Variants in IMMP2L observed in about 807,000 individuals in gnomAD.
The protein encoded by IMMP2L is mitochondrial inner membrane protease subunit 2.
Under a neutral mutation model 19.3 loss-of-function variants are expected in IMMP2L, and 18 were observed. That is an observed-to-expected ratio of 0.93 (90% CI 0.64 to 1.38). IMMP2L has a LOEUF of 1.38. Ranked by LOEUF, IMMP2L falls within the 40% of genes most tolerant of loss-of-function variation. The pLI, the probability that IMMP2L is intolerant of heterozygous loss-of-function variation, is 0.00. For missense variants in IMMP2L, 233 were observed against 218.2 expected (o/e 1.07, Z -0.43); for synonymous variants, 76 against 73.0 (o/e 1.04, Z -0.21).
intron 3 of IMMP2L, among the ~76,000 whole-genome samples, chr7:111,229,118 A>C (rs1813434805): frequency 6.6e-6 from 1 of 151,938 alleles, no homozygotes. Flanking sequence ...AGTTTACAAA[A>C]CATCCAGTTC....
chr7:111,142,787 C>G (rs1225723587), intron 3 of IMMP2L, among the ~76,000 whole-genome samples: 1 of 152,092 alleles, frequency 6.6e-6, no homozygotes, highest in African/African-American at 2.4e-5. Flanking sequence ...GAGCAATATC[C>G]TATACCTGAG....
At chr7:110,705,742 CT>C (rs1794629891) in intron 5 of IMMP2L, among the ~76,000 whole-genome samples, 1 of 151,938 alleles carries the variant, frequency 6.6e-6, no homozygotes, top group Non-Finnish European at 1.5e-5. Flanking sequence ...CTTCCCCTCC[CT>C]TTCCCCCTTC....
intron 1 of IMMP2L, among the ~76,000 whole-genome samples, chr7:111,561,527 A>C (rs986991660): frequency 9.9e-5 from 15 of 152,136 alleles, no homozygotes; most frequent in African/African-American, 3.6e-4. Flanking sequence ...GGCTAATAAG[A>C]TAGGGGCCGG....
At chr7:110,707,116 T>C (rs1214095235) in intron 5 of IMMP2L, among the ~76,000 whole-genome samples, 1 of 95,050 alleles carries the variant, frequency 1.1e-5, no homozygotes, top group South Asian at 4.1e-4. Context: ...TAACGAGTCA[T>C]CTAGCATTAG....
Position 110,768,567 on chromosome 7 carries a change from C to A in IMMP2L, c.409-104846G>T, listed in dbSNP as rs561642052. On this transcript the variant is annotated intron_variant, in intron 5 of 5. Transcript: ENST00000405709. Reference sequence around the variant, plus strand: ...CCATAATGAACTACTTTTGGCCCCACAAATTTCCATACTCTTTCTCCAGGA... The same window carrying A: ...CCATAATGAACTACTTTTGGCCCCAAAAATTTCCATACTCTTTCTCCAGGA... Among the ~76,000 whole-genome samples the A allele has an allele frequency of 4.6e-5, 7 of 152,258 alleles. No homozygotes were observed. The East Asian group carries it at 5.8e-4, about 13-fold the overall frequency.
intron 3 of IMMP2L, among the ~76,000 whole-genome samples, chr7:111,285,422 A>C (rs746998099): frequency 1.8e-4 from 27 of 152,194 alleles, no homozygotes; most frequent in South Asian, 6.2e-4. Context: ...GGAAGAGGCA[A>C]CACTAAAGTT....
rs145007482 is a variant in IMMP2L, at chr7:110,786,650, A to G, written c.408+99943T>C. ...TCATTGTACTTCTATTACAGTATGC[A>G]AATACAAATAAAGTTACCACAAATT... On this transcript the variant is annotated intron_variant, in intron 5 of 5. Coordinates refer to ENST00000405709, the MANE Select transcript of IMMP2L (RefSeq NM_032549.4). 5.9e-3 allele frequency among the ~76,000 whole-genome samples: 903 copies of G among 152,152 alleles called. 12 individuals are homozygous for G. Among genetic ancestry groups the G allele is most frequent in the Non-Finnish European group, 4.9e-3 (335 of 67,972 alleles).
At chr7:111,000,559 A>T (rs1250095524) in intron 3 of IMMP2L, among the ~76,000 whole-genome samples, 2 of 152,182 alleles carry the variant, frequency 1.3e-5, no homozygotes, top group African/African-American at 4.8e-5. Context: ...CAACAGATGG[A>T]TGGATGGGGC....
At chr7:111,315,890 G>C (rs924831737) in intron 3 of IMMP2L, among the ~76,000 whole-genome samples, 5 of 152,096 alleles carry the variant, frequency 3.3e-5, no homozygotes, top group Admixed American at 1.3e-4. Context: ...CAACAGGAAA[G>C]TACAGTTATG....
intron 3 of IMMP2L, among the ~76,000 whole-genome samples, chr7:111,453,861 T>G (rs1585171877): frequency 6.6e-6 from 1 of 152,172 alleles, no homozygotes; most frequent in Non-Finnish European, 1.5e-5. Context: ...ACTCAATAAA[T>G]ATTTGCTGAA....
intron 3 of IMMP2L, among the ~76,000 whole-genome samples, chr7:110,990,402 T>C (rs1822330841): frequency 6.6e-6 from 1 of 152,318 alleles, no homozygotes; most frequent in South Asian, 2.1e-4. Flanking sequence ...GGACACATTT[T>C]TATACCAACA....
intron 2 of IMMP2L, among the ~76,000 whole-genome samples, chr7:111,502,118 G>C (rs1322135831): frequency 9.9e-5 from 15 of 152,086 alleles, no homozygotes; most frequent in Admixed American, 2.0e-4. Context: ...TAAAGGGATG[G>C]AGGAAGATCT....
chr7:111,212,483 C>T (rs1188937092), intron 3 of IMMP2L, among the ~76,000 whole-genome samples: 1 of 151,832 alleles, frequency 6.6e-6, no homozygotes, highest in East Asian at 1.9e-4. Flanking sequence ...TGGTGGTGCA[C>T]ACCTGTGGTC....
At chr7:110,999,741 T>G (rs909275918) in intron 3 of IMMP2L, among the ~76,000 whole-genome samples, 1 of 152,128 alleles carries the variant, frequency 6.6e-6, no homozygotes, top group Non-Finnish European at 1.5e-5. Context: ...TGGCAATCAC[T>G]GGTGGTCCAT....
chr7:111,464,266 G>C (rs1563224035), intron 3 of IMMP2L, among the ~76,000 whole-genome samples: 2 of 152,130 alleles, frequency 1.3e-5, no homozygotes, highest in Non-Finnish European at 2.9e-5. Context: ...TTGAAGTCAG[G>C]AATTCAAGAC....
At chr7:111,328,837 T>C (rs1455885204) in intron 3 of IMMP2L, among the ~76,000 whole-genome samples, 1 of 151,792 alleles carries the variant, frequency 6.6e-6, no homozygotes, top group Non-Finnish European at 1.5e-5. Flanking sequence ...CATAGTTTTC[T>C]CAGATAAAAA....
At chr7:110,746,157 G>C (rs1797328547) in intron 5 of IMMP2L, among the ~76,000 whole-genome samples, 2 of 152,154 alleles carry the variant, frequency 1.3e-5, no homozygotes, top group African/African-American at 4.8e-5. Flanking sequence ...AACAGACAAA[G>C]AAGGACATTA....
intron 3 of IMMP2L, among the ~76,000 whole-genome samples, chr7:111,441,944 C>T (rs747240349): frequency 6.6e-6 from 1 of 151,654 alleles, no homozygotes; most frequent in Non-Finnish European, 1.5e-5. Context: ...CGAGACCACC[C>T]TGGCCAACAT....
intron 5 of IMMP2L, among the ~76,000 whole-genome samples, chr7:110,855,398 G>A (rs913760626): frequency 6.6e-6 from 1 of 151,884 alleles, no homozygotes; most frequent in East Asian, 1.9e-4. Flanking sequence ...GAAGTTCTAC[G>A]CTGGAAAGGT....
Sources: allele counts gnomAD v4.1 joint callset (sites outside exome capture counted in the v4.1 genomes callset), GRCh38; gene constraint gnomAD v4.1.1; transcripts MANE v1.5; gene names NCBI Gene and HGNC (gene_info 2026-07-23, HGNC 2026-07-21).